The following BCAS3 variants were observed in gnomAD, a reference collection of about 807,000 sequenced individuals.
BCAS3 encodes BCAS4/BCAS3 fusion.
BCAS3 carries 53 observed loss-of-function variants against 116.1 expected under a neutral mutation model. That is an observed-to-expected ratio of 0.46 (90% confidence interval 0.37 to 0.57). The LOEUF (loss-of-function observed/expected upper bound fraction) is 0.57, where lower values mean the gene tolerates loss of function less well. Among genes scored for constraint, BCAS3 ranks in the 20% least tolerant of loss-of-function variants. BCAS3 has a pLI of 0.00. For synonymous variants in BCAS3, 391 were observed against 408.2 expected (o/e 0.96, Z 0.51); for missense variants, 917 against 1,165.4 (o/e 0.79, Z 3.10).
rs2051073084 is a variant in BCAS3, at chr17:61,279,722, G to A, written c.2426-88605G>A. ...CCACAAACCATGTTTAAAATAGTGGGCTAAGCCACTGGGCCTCCATGGTGA... is the reference window on the plus strand; with the variant it reads ...CCACAAACCATGTTTAAAATAGTGGACTAAGCCACTGGGCCTCCATGGTGA... On this transcript the variant is annotated intron_variant, in intron 22 of 23. Coordinates refer to ENST00000407086, the MANE Select transcript of BCAS3 (RefSeq NM_017679.5). The surrounding 1 kb of genome is among the most constrained non-coding windows in gnomAD (Gnocchi z 4.4). Among the ~76,000 whole-genome samples the A allele has an allele frequency of 6.6e-6, 1 of 151,604 alleles. No homozygotes were observed. The highest frequency in any genetic ancestry group is 2.4e-5 in the African/African-American group (1 of 41,246).
intron 15 of BCAS3, among the ~76,000 whole-genome samples, chr17:61,009,549 A>G (rs930483506): frequency 6.6e-6 from 1 of 151,986 alleles, no homozygotes; most frequent in Non-Finnish European, 1.5e-5. Flanking sequence ...ATTTTAACTG[A>G]TTTTATGTCC....
intron 8 of BCAS3, among the ~76,000 whole-genome samples, chr17:60,873,562 G>A (rs545080528): frequency 1.3e-5 from 2 of 152,268 alleles, no homozygotes; most frequent in East Asian, 3.9e-4. Context: ...ACAATATAAA[G>A]TGGTGGCTTT....
chr17:61,193,937 C>T (rs979864178), intron 22 of BCAS3, among the ~76,000 whole-genome samples: 3 of 150,732 alleles, frequency 2.0e-5, no homozygotes, highest in African/African-American at 4.9e-5. Flanking sequence ...GCCAACATCA[C>T]GAAACCCCGT....
At chr17:60,879,043 C>T (rs1212271966) in intron 9 of BCAS3, among the ~76,000 whole-genome samples, 10 of 152,000 alleles carry the variant, frequency 6.6e-5, no homozygotes, top group Non-Finnish European at 1.5e-5. Context: ...GCTGGTTTTG[C>T]CTGTTAGACT....
At chr17:60,977,112 C>T (rs1411098392) in intron 14 of BCAS3, among the ~76,000 whole-genome samples, 4 of 152,018 alleles carry the variant, frequency 2.6e-5, no homozygotes, top group Non-Finnish European at 5.9e-5. Context: ...CGGGGGCTGC[C>T]CCCCACCTCC....
At position 61,362,361 on chromosome 17, in the gene BCAS3, C is replaced by T. The variant is rs141461739; in HGVS notation, c.2426-5966C>T. ...GCAGGTTTTGCTTTTGGTATCTGGC[C>T]TCCCTGGTGGTTAGAAATCTGATCA... is the stretch of plus-strand genomic sequence containing the variant. On this transcript the variant is annotated intron_variant, in intron 22 of 23. Transcript: ENST00000407086. The surrounding 1 kb of genome is among the most constrained non-coding windows in gnomAD (Gnocchi z 4.4). Among the ~76,000 whole-genome samples the T allele has an allele frequency of 1.3e-5, 2 of 152,332 alleles. No homozygotes were observed. Among genetic ancestry groups the T allele is most frequent in the Admixed American group, 1.3e-4 (2 of 15,308 alleles).
Position 61,007,451 on chromosome 17 carries a change from G to T in BCAS3, c.1487-8300G>T, listed in dbSNP as rs2064794802. ...TAAGAAAAGAAAAATACTTAAATTTGTATGTTGTAGTAGCCAACACATTCA... is the reference window on the plus strand; with the variant it reads ...TAAGAAAAGAAAAATACTTAAATTTTTATGTTGTAGTAGCCAACACATTCA... On this transcript the variant is annotated intron_variant, in intron 15 of 23. Coordinates refer to ENST00000407086, the MANE Select transcript of BCAS3 (RefSeq NM_017679.5). This position sits in a 1 kb window ranked among gnomAD's most constrained non-coding sequence, Gnocchi z 4.3. 1.3e-5 allele frequency among the ~76,000 whole-genome samples: 2 copies of T among 151,970 alleles called. No individual in the cohort carries two copies. Among genetic ancestry groups the T allele is most frequent in the African/African-American group, 4.8e-5 (2 of 41,406 alleles).
At chr17:61,045,893 T>A (rs1481229591) in intron 19 of BCAS3, among the ~76,000 whole-genome samples, 2 of 38,050 alleles carry the variant, frequency 5.3e-5, no homozygotes, top group South Asian at 6.6e-4. Context: ...ATTATATATA[T>A]AATATATATA....
chr17:60,844,203 C>T (rs1193680567), intron 7 of BCAS3, among the ~76,000 whole-genome samples: 7 of 152,212 alleles, frequency 4.6e-5, no homozygotes, highest in Non-Finnish European at 8.8e-5. Flanking sequence ...CTCCTGACCT[C>T]AGCTGATCTG....
chr17:61,042,871 C>G (rs555506251), intron 19 of BCAS3, among the ~76,000 whole-genome samples: 1 of 105,698 alleles, frequency 9.5e-6, no homozygotes, highest in South Asian at 3.0e-4. Flanking sequence ...GCCTAGGCAA[C>G]AGAGCAAGAC....
intron 14 of BCAS3, chr17:60,980,532 CTTTT>C (rs745320848): frequency 3.9e-5 from 5 of 127,628 alleles, no homozygotes; most frequent in Admixed American, 7.9e-5. Flanking sequence ...TAATGGTATT[CTTTT>C]TTTTTTTTTT....
At chr17:61,234,297 C>T (rs1568629118) in intron 22 of BCAS3, among the ~76,000 whole-genome samples, 1 of 152,140 alleles carries the variant, frequency 6.6e-6, no homozygotes, top group Admixed American at 6.5e-5. Context: ...ATCCTACATT[C>T]CTACACCATT....
At chr17:60,794,070 C>A (rs1033201234) in intron 6 of BCAS3, among the ~76,000 whole-genome samples, 1 of 152,130 alleles carries the variant, frequency 6.6e-6, no homozygotes, top group Admixed American at 6.5e-5. Flanking sequence ...CCAACATCTA[C>A]TGTTTTTTGA....
At chr17:61,039,171 A>G (rs1165998688) in intron 18 of BCAS3, among the ~76,000 whole-genome samples, 2 of 152,098 alleles carry the variant, frequency 1.3e-5, no homozygotes, top group Non-Finnish European at 2.9e-5. Flanking sequence ...TGCTACTCTG[A>G]TCATTTCATG....
In BCAS3 at chr17:61,040,778, T is replaced by C; in HGVS notation, c.1929-14T>C. ...TTAAGCTTAAATATTAATATTCTTC[T>C]CCTGTTTCCTTAGAACCCCTCAATG... On this transcript the variant is annotated splice_polypyrimidine_tract_variant and intron_variant, in intron 18 of 23. Coordinates refer to ENST00000407086, the MANE Select transcript of BCAS3 (RefSeq NM_017679.5). 6.3e-7 allele frequency: 1 copy of C among 1,598,374 alleles called. No homozygotes were observed. Among genetic ancestry groups the C allele is most frequent in the Non-Finnish European group, 8.6e-7 (1 of 1,165,760 alleles).
rs955434130 is a variant in BCAS3, at chr17:61,229,895, C to T, written c.2426-138432C>T. On this transcript the variant is annotated intron_variant, in intron 22 of 23. Coordinates refer to ENST00000407086, the MANE Select transcript of BCAS3 (RefSeq NM_017679.5). The surrounding 1 kb of genome is among the most constrained non-coding windows in gnomAD (Gnocchi z 4.4). ...ATCCCAGCACTTTGGGAGGCCAAGG[C>T]GGGCGGTTCACCTGAGGTCAGGAGT... Among the ~76,000 whole-genome samples, 2 of 152,184 alleles carry T rather than the reference C, an allele frequency of 1.3e-5. No individual in the cohort carries two copies. Among genetic ancestry groups the T allele is most frequent in the East Asian group, 1.9e-4 (1 of 5,190 alleles).
intron 22 of BCAS3, among the ~76,000 whole-genome samples, chr17:61,341,670 A>C (rs763820667): frequency 6.6e-6 from 1 of 152,150 alleles, no homozygotes; most frequent in Non-Finnish European, 1.5e-5. Flanking sequence ...CACTCGATTG[A>C]CAGTTGCAAC....
rs189956830 is a variant in BCAS3 at position 60,950,942 on chromosome 17, C to T, written c.1221+3590C>T. 8.5e-5 allele frequency among the ~76,000 whole-genome samples: 13 copies of T among 152,240 alleles called. No individual in the cohort carries two copies. In the South Asian group the frequency reaches 2.5e-3, roughly 29 times the overall value. Reference sequence around the variant, plus strand: ...CCCAGCTGTTGTGTTTTAGAGTGACCTTCTTGCGTTGCATAGTGAATCCCG... The same window carrying T: ...CCCAGCTGTTGTGTTTTAGAGTGACTTTCTTGCGTTGCATAGTGAATCCCG... On this transcript the variant is annotated intron_variant, in intron 14 of 23. Coordinates refer to ENST00000407086, the MANE Select transcript of BCAS3 (RefSeq NM_017679.5).
At chr17:60,804,941 C>G (rs1272909585) in intron 6 of BCAS3, among the ~76,000 whole-genome samples, 1 of 150,208 alleles carries the variant, frequency 6.7e-6, no homozygotes, top group Non-Finnish European at 1.5e-5. Context: ...TTTTAAAGAT[C>G]CTGTGATGTA....
Sources: gnomAD v4.1 joint callset for allele counts (sites outside exome capture counted in the v4.1 genomes callset) on GRCh38, gnomAD v4.1.1 for gene constraint, Gnocchi (gnomAD v3.1) non-coding constraint, MANE v1.5 for transcripts, NCBI Gene and HGNC (gene_info 2026-07-23, HGNC 2026-07-21) for gene names.